ZFHX3: variants seen among roughly 807,000 people sequenced by gnomAD.
The protein encoded by ZFHX3 is zinc finger homeobox 3.
A neutral mutation model predicts 279.1 loss-of-function variants in ZFHX3; 42 were observed. That is an observed-to-expected ratio of 0.15 (90% CI 0.12 to 0.19). ZFHX3 has a LOEUF of 0.19. Among genes scored for constraint, ZFHX3 ranks in the 10% least tolerant of loss-of-function variants. ZFHX3 has a pLI of 1.00. For synonymous variants in ZFHX3, 2,293 were observed against 1,957.8 expected (o/e 1.17, Z -4.52); for missense variants, 4,981 against 4,754.0 (o/e 1.05, Z -1.40).
intron 4 of ZFHX3, among the ~76,000 whole-genome samples, chr16:73,310,615 T>C (rs536097702): frequency 8.5e-5 from 13 of 152,250 alleles, no homozygotes; most frequent in African/African-American, 2.6e-4. Flanking sequence ...CTATAGTACA[T>C]AGGACCATCC....
At chr16:73,655,376 A>G (rs868379369) in intron 2 of ZFHX3, among the ~76,000 whole-genome samples, 4 of 152,336 alleles carry the variant, frequency 2.6e-5, no homozygotes, top group Admixed American at 2.6e-4. Context: ...ATAATTGTAC[A>G]TGTAGAAAAT....
chr16:73,288,924 T>G (rs1198135812), intron 4 of ZFHX3, among the ~76,000 whole-genome samples: 1 of 150,524 alleles, frequency 6.6e-6, no homozygotes, highest in African/African-American at 2.5e-5. Flanking sequence ...ACTGCTATTA[T>G]CTTCAAGGGG....
chr16:73,707,754 A>T (rs201325478), intron 1 of ZFHX3, among the ~76,000 whole-genome samples: 13 of 37,810 alleles, frequency 3.4e-4, no homozygotes, highest in South Asian at 1.1e-3. Context: ...AATAAAATTT[A>T]AAAAAAAAAA....
chr16:73,509,852 T>C (rs895677948), intron 2 of ZFHX3, among the ~76,000 whole-genome samples: 2 of 152,056 alleles, frequency 1.3e-5, no homozygotes, highest in African/African-American at 4.8e-5. Context: ...CCCACCACCA[T>C]GCCCGGCTGA....
chr16:73,757,853 T>C (rs555099511), intron 1 of ZFHX3, among the ~76,000 whole-genome samples: 17 of 152,326 alleles, frequency 1.1e-4, no homozygotes, highest in African/African-American at 3.8e-4. Context: ...GAAACCTTGA[T>C]GCCATTCTGA....
chr16:73,027,465 G>C (rs559318465), intron 1 of ZFHX3, among the ~76,000 whole-genome samples: 1 of 152,290 alleles, frequency 6.6e-6, no homozygotes, highest in South Asian at 2.1e-4. Flanking sequence ...AGAAAACAAT[G>C]CCTTTTTATG....
intron 5 of ZFHX3, among the ~76,000 whole-genome samples, chr16:73,197,258 T>A (rs1567415953): frequency 6.6e-6 from 1 of 152,186 alleles, no homozygotes; most frequent in Admixed American, 6.5e-5. Context: ...GGTTACAATG[T>A]CATAAACAAT....
rs10602067 is a variant in ZFHX3, at chr16:73,045,640, C to CATTATTATTATT, written c.-50+2100_-50+2111dup. Among the ~76,000 whole-genome samples, 85 of 142,992 alleles carry CATTATTATTATT rather than the reference C, an allele frequency of 5.9e-4. 1 individual carries two copies. Among genetic ancestry groups the CATTATTATTATT allele is most frequent in the Admixed American group, 9.1e-4 (13 of 14,250 alleles). 93.8% of individuals were successfully genotyped at this position (142,992 alleles called of 152,430 possible). On this transcript the variant is annotated intron_variant, in intron 1 of 9. Coordinates refer to ENST00000268489, the MANE Select transcript of ZFHX3 (RefSeq NM_006885.4). The stretch of plus-strand genomic sequence containing the variant: ...TGGTTGGGGAAGCAGCATGGATTTA[C>CATTATTATTATT]ATTATTATTATTATTATTATTATTA...
intron 2 of ZFHX3, among the ~76,000 whole-genome samples, chr16:73,516,734 C>G (rs772373368): frequency 5.3e-5 from 8 of 152,214 alleles, no homozygotes; most frequent in Non-Finnish European, 1.0e-4. Context: ...TGCAGGAGCT[C>G]TGTCTGACTT....
Position 72,958,390 on chromosome 16 carries a change from T to C in ZFHX3, c.1756A>G (p.Arg586Gly), listed in dbSNP as rs1287380961. Residue 586 changes from arginine (R) to glycine (G), a missense_variant, in exon 2 of 10, where the codon AGG becomes GGG. Physicochemically the swap from Arg to Gly is moderately radical, Grantham distance 125. Around this residue, in one of 7 missense-constraint regions of ZFHX3, gnomAD observed 1,068 missense variants for 935.2 expected, o/e 1.14. Coordinates refer to ENST00000268489, the MANE Select transcript of ZFHX3 (RefSeq NM_006885.4). ...CTTTCGTCAGCGAAGTCCAGCCTCC[T>C]GCCGCCCTCTGCCACATTGGCCCTG... ...GVRANVAEGGRRLDFADESAN... is the reference protein window; with the variant it reads ...GVRANVAEGGGRLDFADESAN... 6.2e-7 allele frequency: 1 copy of C among 1,614,210 alleles called. No homozygotes were observed.
At chr16:73,151,095 A>C (rs998850015) in intron 5 of ZFHX3, among the ~76,000 whole-genome samples, 3 of 152,214 alleles carry the variant, frequency 2.0e-5, no homozygotes, top group Non-Finnish European at 4.4e-5. Flanking sequence ...CCACACACTG[A>C]ATGATTCTAT....
intron 7 of ZFHX3, among the ~76,000 whole-genome samples, chr16:73,113,720 T>C (rs1440335599): frequency 6.6e-6 from 1 of 151,870 alleles, no homozygotes; most frequent in Non-Finnish European, 1.5e-5. Context: ...GTATGATGCA[T>C]CCATTTCTAC....
intron 8 of ZFHX3, among the ~76,000 whole-genome samples, chr16:73,079,434 A>T (rs1281573731): frequency 6.6e-6 from 1 of 152,156 alleles, no homozygotes; most frequent in Non-Finnish European, 1.5e-5. Context: ...CTGAGTCAGG[A>T]GAATCACTTG....
chr16:73,161,436 CA>C (rs1369035197), intron 5 of ZFHX3, among the ~76,000 whole-genome samples: 1 of 152,184 alleles, frequency 6.6e-6, no homozygotes, highest in East Asian at 1.9e-4. Context: ...GCTCATTTAT[CA>C]TACTGTCTTC....
intron 2 of ZFHX3, among the ~76,000 whole-genome samples, chr16:73,557,522 A>G (rs2020305706): frequency 1.3e-5 from 2 of 152,294 alleles, no homozygotes; most frequent in South Asian, 2.1e-4. Context: ...TCTTGAAGAT[A>G]TGCTAAACAA....
rs185340104 is a variant in ZFHX3, at chr16:73,590,289, A to G, written c.-1547+89891T>C. Among the ~76,000 whole-genome samples, 27 of 152,352 alleles carry G rather than the reference A, an allele frequency of 1.8e-4. 1 individual carries two copies. Among genetic ancestry groups the G allele is most frequent in the Admixed American group, 1.7e-3 (26 of 15,300 alleles). On this transcript the variant is annotated intron_variant, in intron 2 of 17. Coordinates refer to the ZFHX3 transcript ENST00000641206. The stretch of plus-strand genomic sequence containing the variant: ...ACCAATGAGCAAGTCTAACATCCAG[A>G]TTGTGTCTCTAATTATTCTTTCCAA...
At position 72,928,230 on chromosome 16, in the gene ZFHX3, G is replaced by GCAAGAGAGACAGCAAGAGAGAT. The variant is rs1555531075; in HGVS notation, c.3216+22238_3216+22239insATCTCTCTTGCTGTCTCTCTTG. On this transcript the variant is annotated intron_variant, in intron 3 of 9. Coordinates refer to ENST00000268489, the MANE Select transcript of ZFHX3 (RefSeq NM_006885.4). ...GGGGAGCGAAGGGGAGCGAGGGGGA[G>GCAAGAGAGACAGCAAGAGAGAT]CGAGAGAGGAAAGGGCTTAAGGGGA... Among the ~76,000 whole-genome samples the GCAAGAGAGACAGCAAGAGAGAT allele has an allele frequency of 3.6e-3, 298 of 81,650 alleles. 58 individuals carry two copies. Among genetic ancestry groups the GCAAGAGAGACAGCAAGAGAGAT allele is most frequent in the Non-Finnish European group, 4.3e-3 (158 of 36,372 alleles). The allele number at this position is 81,650 out of a possible 152,430, so 53.6% of individuals were successfully genotyped here. A position where few individuals can be genotyped will look rare whatever the true frequency, so the allele number is the denominator to read the frequency against.
intron 2 of ZFHX3, among the ~76,000 whole-genome samples, chr16:73,529,442 G>C (rs1366305137): frequency 6.6e-6 from 1 of 152,192 alleles, no homozygotes; most frequent in Admixed American, 6.5e-5. Flanking sequence ...CTCCCAAAGA[G>C]AGAAACTTAG....
chr16:73,349,503 T>A (rs1263505029), intron 3 of ZFHX3, among the ~76,000 whole-genome samples: 4 of 152,132 alleles, frequency 2.6e-5, no homozygotes, highest in African/African-American at 9.7e-5. Flanking sequence ...CTTGTTTAAT[T>A]TTCACAATCA....
Sources: allele counts gnomAD v4.1 joint callset (sites outside exome capture counted in the v4.1 genomes callset), GRCh38; gene constraint gnomAD v4.1.1; regional missense constraint gnomAD v4.1.1; transcripts MANE v1.5; gene names NCBI Gene and HGNC (gene_info 2026-07-23, HGNC 2026-07-21).